Variants in MACROD2 observed in about 807,000 individuals in gnomAD.
MACROD2 encodes mono-ADP ribosylhydrolase 2.
MACROD2 carries 36 observed loss-of-function variants against 70.4 expected under a neutral mutation model. The ratio of observed to expected loss-of-function variants is 0.51; its 90% CI spans 0.39 to 0.68. MACROD2 has a LOEUF of 0.68. Ranked by LOEUF, MACROD2 falls within the 30% of genes least tolerant of loss-of-function variation. The pLI is 0.00. For missense variants in MACROD2, 496 were observed against 538.4 expected (o/e 0.92, Z 0.78); for synonymous variants, 172 against 178.8 (o/e 0.96, Z 0.30).
chr20:15,261,068 C>G lies in MACROD2; in HGVS notation c.540+31007C>G, dbSNP rs543706538. ...TATGAGCTGCTGTGATTAGACATTT[C>G]CAAGCCCAGCTTAAGGCAACATCTA... On this transcript the variant is annotated intron_variant, in intron 6 of 17. Transcript: ENST00000684519. Among the ~76,000 whole-genome samples the G allele has an allele frequency of 5.3e-4, 80 of 152,036 alleles. No individual in the cohort carries two copies. In the South Asian group the frequency reaches 0.014, roughly 27 times the overall value.
intron 5 of MACROD2, among the ~76,000 whole-genome samples, chr20:14,937,577 G>C (rs1264229998): frequency 6.6e-6 from 1 of 151,844 alleles, no homozygotes; most frequent in Non-Finnish European, 1.5e-5. Context: ...TTTTTTTGAG[G>C]TAACATGTGA....
chr20:14,009,367 A>G (rs1250296576), intron 2 of MACROD2, among the ~76,000 whole-genome samples: 3 of 152,230 alleles, frequency 2.0e-5, no homozygotes, highest in Non-Finnish European at 1.5e-5. Context: ...AAAGCTCAAC[A>G]TTACTCATCA....
At position 15,870,791 on chromosome 20, in the gene MACROD2, T is replaced by C. The variant is rs79261846; in HGVS notation, c.727+7965T>C. 5.3e-5 allele frequency among the ~76,000 whole-genome samples: 8 copies of C among 152,264 alleles called. 1 individual carries two copies. The East Asian group carries it at 1.5e-3, about 29-fold the overall frequency. On this transcript the variant is annotated intron_variant, in intron 9 of 17. Transcript: ENST00000684519. Reference sequence around the variant, plus strand: ...GACAGAGAGAATATTTAACCAAAGTTTCAGGTAAAAAGTCAGTTTTTCCTA... The same window carrying C: ...GACAGAGAGAATATTTAACCAAAGTCTCAGGTAAAAAGTCAGTTTTTCCTA...
At chr20:15,254,239 G>A (rs2077179419) in intron 6 of MACROD2, among the ~76,000 whole-genome samples, 1 of 150,506 alleles carries the variant, frequency 6.6e-6, no homozygotes, top group Non-Finnish European at 1.5e-5. Context: ...AATTGATCAA[G>A]ATTCAGTTCA....
intron 5 of MACROD2, among the ~76,000 whole-genome samples, chr20:15,110,914 A>G (rs973429030): frequency 2.0e-5 from 3 of 152,140 alleles, no homozygotes; most frequent in Admixed American, 2.0e-4. Context: ...AACAACCACC[A>G]TTTATTGATT....
chr20:14,604,640 T>C lies in MACROD2; in HGVS notation c.302-80203T>C, dbSNP rs186440734. 6.9e-4 allele frequency among the ~76,000 whole-genome samples: 105 copies of C among 152,288 alleles called. 1 individual carries two copies. Among genetic ancestry groups the C allele is most frequent in the Non-Finnish European group, 4.4e-5 (3 of 68,018 alleles). On this transcript the variant is annotated intron_variant, in intron 4 of 17. Coordinates refer to ENST00000684519, the MANE Select transcript of MACROD2 (RefSeq NM_001351661.2). Reference sequence around the variant, plus strand: ...TTCTCCCTTTCCTTAAGGCATTTTATTTCAGTATTTTATTGCTCTTTCCTC... The same window carrying C: ...TTCTCCCTTTCCTTAAGGCATTTTACTTCAGTATTTTATTGCTCTTTCCTC...
At chr20:15,193,705 G>C (rs1017733912) in intron 5 of MACROD2, among the ~76,000 whole-genome samples, 1 of 151,868 alleles carries the variant, frequency 6.6e-6, no homozygotes, top group East Asian at 1.9e-4. Flanking sequence ...CGTCTTGCAC[G>C]CTGGCTCCCA....
chr20:14,425,875 A>G (rs1330211555), intron 3 of MACROD2, among the ~76,000 whole-genome samples: 1 of 152,154 alleles, frequency 6.6e-6, no homozygotes, highest in Non-Finnish European at 1.5e-5. Context: ...CTACTTTGCA[A>G]CTAAATTTTT....
chr20:14,222,135 A>G (rs1314138501), intron 3 of MACROD2, among the ~76,000 whole-genome samples: 1 of 152,204 alleles, frequency 6.6e-6, no homozygotes, highest in Non-Finnish European at 1.5e-5. Flanking sequence ...ACTATGGTGT[A>G]TCTACTCAAA....
chr20:15,306,382 C>A (rs573405033), intron 6 of MACROD2, among the ~76,000 whole-genome samples: 4 of 152,148 alleles, frequency 2.6e-5, no homozygotes, highest in Non-Finnish European at 5.9e-5. Context: ...ATGTGCCATG[C>A]GCATGCTAAA....
Position 14,207,294 on chromosome 20 carries a change from G to T in MACROD2, c.271+121566G>T, listed in dbSNP as rs556795105. 2.6e-5 allele frequency among the ~76,000 whole-genome samples: 4 copies of T among 152,154 alleles called. No homozygotes were observed. The South Asian group carries it at 6.2e-4, about 24-fold the overall frequency. On this transcript the variant is annotated intron_variant, in intron 3 of 17. Transcript: ENST00000684519. ...TGTGGTTTTTTTTAGTAGAGACGGGGTTTCACCATGTTGGCCAGGATGGTC... is the reference window on the plus strand; with the variant it reads ...TGTGGTTTTTTTTAGTAGAGACGGGTTTTCACCATGTTGGCCAGGATGGTC...
At chr20:15,436,477 A>T (rs1600409067) in intron 7 of MACROD2, among the ~76,000 whole-genome samples, 1 of 152,014 alleles carries the variant, frequency 6.6e-6, no homozygotes, top group Non-Finnish European at 1.5e-5. Flanking sequence ...CCTTCCCACA[A>T]TATGTGGGAA....
intron 6 of MACROD2, among the ~76,000 whole-genome samples, chr20:15,233,823 A>G (rs955366264): frequency 8.0e-5 from 12 of 150,754 alleles, no homozygotes; most frequent in African/African-American, 2.9e-4. Flanking sequence ...AATCGTTTCA[A>G]TTGAAAAAAT....
intron 5 of MACROD2, among the ~76,000 whole-genome samples, chr20:14,927,216 C>T (rs1818937253): frequency 6.6e-6 from 1 of 152,122 alleles, no homozygotes; most frequent in African/African-American, 2.4e-5. Context: ...AATGTTGTTA[C>T]AGCTGATCAT....
At chr20:15,359,470 A>AATTTTTTGTGTAT (rs2078326746) in intron 6 of MACROD2, among the ~76,000 whole-genome samples, 11 of 151,832 alleles carry the variant, frequency 7.2e-5, no homozygotes, top group Admixed American at 6.6e-4. Flanking sequence ...ATGCAATCTA[A>AATTTTTTGTGTAT]ATATTTTCTT....
intron 5 of MACROD2, among the ~76,000 whole-genome samples, chr20:15,019,172 C>G (rs924481765): frequency 2.0e-5 from 3 of 151,940 alleles, no homozygotes; most frequent in African/African-American, 7.3e-5. Flanking sequence ...CACGCGCGCG[C>G]GCGCGCGGAG....
At chr20:14,908,481 CCT>C (rs1329175427) in intron 5 of MACROD2, among the ~76,000 whole-genome samples, 2 of 152,078 alleles carry the variant, frequency 1.3e-5, no homozygotes, top group South Asian at 2.1e-4. Flanking sequence ...GTGACAATTC[CCT>C]GTCTCTATTA....
At chr20:15,888,798 G>A (rs1324503596) in intron 10 of MACROD2, among the ~76,000 whole-genome samples, 1 of 152,096 alleles carries the variant, frequency 6.6e-6, no homozygotes, top group Admixed American at 6.6e-5. Flanking sequence ...TGAAATCATG[G>A]AGGATTTTTG....
At chr20:14,094,121 C>T (rs2054190820) in intron 3 of MACROD2, among the ~76,000 whole-genome samples, 1 of 151,962 alleles carries the variant, frequency 6.6e-6, no homozygotes, top group South Asian at 2.1e-4. Flanking sequence ...AAGGGGGAGA[C>T]TGGAAGCAGA....
Sources: gnomAD v4.1 joint callset for allele counts (sites outside exome capture counted in the v4.1 genomes callset) on GRCh38, gnomAD v4.1.1 for gene constraint, MANE v1.5 for transcripts, NCBI Gene and HGNC (gene_info 2026-07-23, HGNC 2026-07-21) for gene names.